The following AKAP7 variants were observed in gnomAD, a reference collection of about 807,000 sequenced individuals.
AKAP7 encodes A kinase (PRKA) anchor protein 7.
A neutral mutation model predicts 39.5 loss-of-function variants in AKAP7; 39 were observed. The ratio of observed to expected loss-of-function variants is 0.99; its 90% CI spans 0.76 to 1.29. AKAP7 has a LOEUF of 1.29. Among genes scored for constraint, AKAP7 ranks in the 50% most tolerant of loss-of-function variants. The pLI is 0.00. For missense variants in AKAP7, 414 were observed against 407.7 expected (o/e 1.02, Z -0.13); for synonymous variants, 140 against 139.1 (o/e 1.01, Z -0.05).
At chr6:131,214,800 TTAA>T (rs879909871) in intron 6 of AKAP7, among the ~76,000 whole-genome samples, 1 of 152,226 alleles carries the variant, frequency 6.6e-6, no homozygotes, top group Non-Finnish European at 1.5e-5. Context: ...TGATTGTATC[TTAA>T]TAATGATTAA....
rs34796711 is a variant in AKAP7, at chr6:131,281,679, G to A, written c.1000G>A (p.Glu334Lys). The A allele has an allele frequency of 4.3e-3, 6,936 of 1,612,696 alleles. 25 individuals are homozygous for A. Among genetic ancestry groups the A allele is most frequent in the Non-Finnish European group, 5.2e-3 (6,182 of 1,179,400 alleles). Residue 334 changes from glutamate to lysine, a missense_variant, in exon 8 of 8, where the codon GAA (glutamate) becomes AAA (lysine). By Grantham distance (56) the Glu-to-Lys change is moderately conservative (BLOSUM62 1). Coordinates refer to ENST00000431975, the MANE Select transcript of AKAP7 (RefSeq NM_016377.4). The surrounding 1 kb of genome is among the most constrained non-coding windows in gnomAD (Gnocchi z 4.0). Reference sequence around the variant, plus strand: ...GGGGGAGGGGAGCTCTGTGAAAACCGAAGCAGCTGATCAGAATGGCAATGA... The same window carrying A: ...GGGGGAGGGGAGCTCTGTGAAAACCAAAGCAGCTGATCAGAATGGCAATGA... ...KPGEGSSVKTEAADQNGNDNE... is the reference protein window; with the variant it reads ...KPGEGSSVKTKAADQNGNDNE...
intron 7 of AKAP7, among the ~76,000 whole-genome samples, chr6:131,223,195 T>G (rs1666581092): frequency 6.6e-6 from 1 of 152,222 alleles, no homozygotes; most frequent in African/African-American, 2.4e-5. Context: ...TTGCAATGTT[T>G]GCTTTATTGC....
upstream of AKAP7, among the ~76,000 whole-genome samples, chr6:131,135,001 G>T (rs990174041): frequency 6.6e-6 from 1 of 152,086 alleles, no homozygotes; most frequent in African/African-American, 2.4e-5. Context: ...TCCTCTTAAT[G>T]TCTAAACATA....
chr6:131,262,618 A>AT (rs1554220360), intron 7 of AKAP7, among the ~76,000 whole-genome samples: 11 of 151,880 alleles, frequency 7.2e-5, no homozygotes, highest in African/African-American at 1.7e-4. Flanking sequence ...TTTTTAAAAA[A>AT]ATATATATAT....
At chr6:131,276,656 A>G (rs988315589) in intron 7 of AKAP7, among the ~76,000 whole-genome samples, 1 of 152,214 alleles carries the variant, frequency 6.6e-6, no homozygotes, top group Non-Finnish European at 1.5e-5. Flanking sequence ...TTCAGATACC[A>G]AATGAGGTTT....
At chr6:131,213,254 C>T (rs546661825) in intron 6 of AKAP7, among the ~76,000 whole-genome samples, 3 of 152,196 alleles carry the variant, frequency 2.0e-5, no homozygotes, top group South Asian at 4.2e-4. Flanking sequence ...TCAGTGTTGA[C>T]GTTTTTTATA....
chr6:131,178,663 T>A (rs1456086484), intron 5 of AKAP7, among the ~76,000 whole-genome samples: 5 of 152,176 alleles, frequency 3.3e-5, no homozygotes, highest in Non-Finnish European at 7.4e-5. Flanking sequence ...GCAGCATGGA[T>A]GTATTCATTC....
At chr6:131,255,165 T>C (rs1812742947) in intron 7 of AKAP7, among the ~76,000 whole-genome samples, 1 of 152,198 alleles carries the variant, frequency 6.6e-6, no homozygotes, top group African/African-American at 2.4e-5. Context: ...GTCTGCTCTA[T>C]CTTATCACAT....
chr6:131,183,592 T>C (rs1305185305), intron 5 of AKAP7, among the ~76,000 whole-genome samples: 1 of 150,714 alleles, frequency 6.6e-6, no homozygotes, highest in Non-Finnish European at 1.5e-5. Flanking sequence ...AGAAGAGAGG[T>C]AGAAGATGAG....
rs945849049 is a variant in AKAP7 at position 131,184,948 on chromosome 6, C to T, written c.590-14513C>T. On this transcript the variant is annotated intron_variant, in intron 5 of 7. Coordinates refer to ENST00000431975, the MANE Select transcript of AKAP7 (RefSeq NM_016377.4). The stretch of plus-strand genomic sequence containing the variant: ...GCCACACCTTTACCCTTGGATTACC[C>T]CTTTCCCCGATGCTTGGGAGCATCT... 11 of 798,430 alleles carry T rather than the reference C, an allele frequency of 1.4e-5. No homozygotes were observed. The African/African-American group carries it at 1.7e-4, about 12-fold the overall frequency. 49.5% of individuals were successfully genotyped at this position (798,430 alleles called of 1,614,324 possible). A position where few individuals can be genotyped will look rare whatever the true frequency, so the allele number is the denominator to read the frequency against.
intron 2 of AKAP7, among the ~76,000 whole-genome samples, chr6:131,155,373 T>C (rs1802327765): frequency 6.6e-6 from 1 of 152,224 alleles, no homozygotes; most frequent in Non-Finnish European, 1.5e-5. Flanking sequence ...TGTTTGCTTG[T>C]CTTGCCTTTT....
intron 5 of AKAP7, among the ~76,000 whole-genome samples, chr6:131,184,102 T>G (rs747397282): frequency 2.0e-4 from 30 of 152,174 alleles, no homozygotes; most frequent in Non-Finnish European, 4.1e-4. Flanking sequence ...CCCACAGGTA[T>G]GCCTTGGGGC....
chr6:131,234,897 TTTA>T (rs944825916), intron 7 of AKAP7, among the ~76,000 whole-genome samples: 77 of 151,892 alleles, frequency 5.1e-4, no homozygotes, highest in African/African-American at 1.8e-3. Flanking sequence ...ATTTTATTTT[TTTA>T]TTATTATTTC....
At chr6:131,172,804 A>T (rs977880074) in intron 5 of AKAP7, among the ~76,000 whole-genome samples, 45 of 152,338 alleles carry the variant, frequency 3.0e-4, no homozygotes, top group African/African-American at 1.1e-3. Context: ...GCATTATTTG[A>T]TGATTTTCTA....
chr6:131,165,056 T>A, intron 3 of AKAP7, 25 bp from the exon 4 acceptor site: 1 of 1,511,356 alleles, frequency 6.6e-7, no homozygotes, highest in Non-Finnish European at 8.8e-7. Context: ...TGGAATTTTT[T>A]TTATATGTGT....
chr6:131,125,773 G>A, the AKAP7 span, among the ~76,000 whole-genome samples: 1 of 152,224 alleles, frequency 6.6e-6, no homozygotes, highest in Non-Finnish European at 1.5e-5. Flanking sequence ...CAAGATGGAT[G>A]AATATGGAGT....
intron 5 of AKAP7, among the ~76,000 whole-genome samples, chr6:131,171,156 T>G (rs1031050425): frequency 2.0e-5 from 3 of 151,954 alleles, no homozygotes; most frequent in Non-Finnish European, 4.4e-5. Flanking sequence ...GTACTTGGGA[T>G]AGAAAACTGG....
At chr6:131,128,138 A>G in the AKAP7 span, among the ~76,000 whole-genome samples, 1 of 152,158 alleles carries the variant, frequency 6.6e-6, no homozygotes, top group African/African-American at 2.4e-5. Context: ...CTATATAAAA[A>G]CCTGCACATG....
At position 131,160,045 on chromosome 6, in the gene AKAP7, C is replaced by CT; in HGVS notation, c.152-8dup. 6.4e-7 allele frequency: 1 copy of CT among 1,566,088 alleles called. No individual in the cohort carries two copies. Among genetic ancestry groups the CT allele is most frequent in the Non-Finnish European group, 8.6e-7 (1 of 1,164,026 alleles). On this transcript the variant is annotated splice_polypyrimidine_tract_variant and intron_variant, in intron 2 of 7. Transcript: ENST00000431975. ...TAAATGTATTAGACGTATTGTTTGACTTTTTTCCTCTAGTCACTGATGAAC... is the reference window on the plus strand; with the variant it reads ...TAAATGTATTAGACGTATTGTTTGACTTTTTTTCCTCTAGTCACTGATGAAC...
Sources: gnomAD v4.1 joint callset for allele counts (sites outside exome capture counted in the v4.1 genomes callset) on GRCh38, gnomAD v4.1.1 for gene constraint, Gnocchi (gnomAD v3.1) non-coding constraint, MANE v1.5 for transcripts, NCBI Gene and HGNC (gene_info 2026-07-23, HGNC 2026-07-21) for gene names.